Variants in GPC6 observed in about 807,000 individuals in gnomAD.
The protein encoded by GPC6 is glypican-6.
A neutral mutation model predicts 55.2 loss-of-function variants in GPC6; 14 were observed. The ratio of observed to expected loss-of-function variants is 0.25; its 90% CI spans 0.17 to 0.40. The LOEUF (loss-of-function observed/expected upper bound fraction) is 0.40. Ranked by LOEUF, GPC6 falls within the 10% of genes least tolerant of loss-of-function variation. GPC6 has a pLI of 1.00. For missense variants in GPC6, 641 were observed against 708.5 expected (o/e 0.90, Z 1.08); for synonymous variants, 278 against 259.6 (o/e 1.07, Z -0.68).
At position 93,510,541 on chromosome 13, in the gene GPC6, C is replaced by G. The variant is rs548502358; in HGVS notation, c.161-34722C>G. On this transcript the variant is annotated intron_variant, in intron 1 of 8. Transcript: ENST00000377047. ...AAGAGTATTCCATTGTGTATATATA[C>G]CACATTTTCTTCATTCATCTGTTAA... Among the ~76,000 whole-genome samples, 3 of 152,034 alleles carry G rather than the reference C, an allele frequency of 2.0e-5. No individual in the cohort carries two copies. The South Asian group carries it at 6.2e-4, about 32-fold the overall frequency.
At chr13:94,072,598 C>T (rs559823572) in intron 4 of GPC6, among the ~76,000 whole-genome samples, 11 of 152,296 alleles carry the variant, frequency 7.2e-5, no homozygotes, top group East Asian at 1.9e-4. Context: ...GTGATCTGCC[C>T]GCCTCGGCCT....
intron 7 of GPC6, among the ~76,000 whole-genome samples, chr13:94,392,189 A>G (rs1880676398): frequency 6.6e-6 from 1 of 152,104 alleles, no homozygotes; most frequent in South Asian, 2.1e-4. Context: ...TTATTCATGT[A>G]TATAATAATG....
At chr13:94,037,220 C>G (rs1269639043) in intron 4 of GPC6, among the ~76,000 whole-genome samples, 2 of 151,896 alleles carry the variant, frequency 1.3e-5, no homozygotes, top group African/African-American at 4.8e-5. Flanking sequence ...CATTCATTAG[C>G]CAGCCTTGCA....
At chr13:93,346,179 G>T (rs12584352) in intron 1 of GPC6, among the ~76,000 whole-genome samples, 2,393 of 152,198 alleles carry the variant, frequency 0.016, 52 homozygotes, top group African/African-American at 0.052. Flanking sequence ...GTTTTAAAGA[G>T]AAGGTGAAGG....
At chr13:94,369,757 T>C (rs938100172) in intron 6 of GPC6, among the ~76,000 whole-genome samples, 1 of 152,006 alleles carries the variant, frequency 6.6e-6, no homozygotes, top group Non-Finnish European at 1.5e-5. Context: ...TCTCTCTTGC[T>C]CTGGGGGTAA....
At chr13:93,423,176 A>C (rs1876988732) in intron 1 of GPC6, among the ~76,000 whole-genome samples, 1 of 152,202 alleles carries the variant, frequency 6.6e-6, no homozygotes, top group Admixed American at 6.5e-5. Context: ...TAAATTAAAC[A>C]ATGCTTGCCT....
chr13:93,276,659 C>T (rs1323122163), intron 1 of GPC6, among the ~76,000 whole-genome samples: 1 of 151,912 alleles, frequency 6.6e-6, no homozygotes, highest in Non-Finnish European at 1.5e-5. Flanking sequence ...TAAGGCAGCT[C>T]TTGGGACTCG....
chr13:94,006,302 T>C (rs550951972), intron 3 of GPC6, among the ~76,000 whole-genome samples: 137 of 152,178 alleles, frequency 9.0e-4, no homozygotes, highest in Non-Finnish European at 1.1e-3. Flanking sequence ...CAGATTCAGT[T>C]TGTCGATATT....
At chr13:94,025,582 A>G (rs1882866511) in intron 3 of GPC6, 1 of 152,098 alleles carries the variant, frequency 6.6e-6, no homozygotes, top group East Asian at 1.9e-4. Flanking sequence ...TGCATTCAGC[A>G]TGGTATGGCC....
chr13:94,149,722 C>T (rs1887673156), intron 4 of GPC6, among the ~76,000 whole-genome samples: 1 of 152,066 alleles, frequency 6.6e-6, no homozygotes, highest in Non-Finnish European at 1.5e-5. Context: ...AGGTCTTAGC[C>T]TCCTTGACCC....
At chr13:93,855,033 A>C (rs979797010) in intron 3 of GPC6, among the ~76,000 whole-genome samples, 1 of 151,604 alleles carries the variant, frequency 6.6e-6, no homozygotes, top group East Asian at 2.0e-4. Context: ...TTGACACATC[A>C]TTATCAAAAA....
intron 2 of GPC6, among the ~76,000 whole-genome samples, chr13:93,677,401 A>G (rs1013559601): frequency 6.6e-6 from 1 of 152,170 alleles, no homozygotes; most frequent in Non-Finnish European, 1.5e-5. Context: ...TTACAAAGGC[A>G]AAACAGTGAT....
At chr13:94,048,356 C>G (rs1230708328) in intron 4 of GPC6, among the ~76,000 whole-genome samples, 2 of 151,652 alleles carry the variant, frequency 1.3e-5, no homozygotes, top group African/African-American at 4.8e-5. Flanking sequence ...ATTGATTTTC[C>G]CATACTACTA....
intron 4 of GPC6, among the ~76,000 whole-genome samples, chr13:94,161,713 A>G (rs1158834508): frequency 6.6e-6 from 1 of 152,190 alleles, no homozygotes; most frequent in Non-Finnish European, 1.5e-5. Context: ...GGTGTCAGCT[A>G]GAATATTCTG....
chr13:94,019,365 A>AG (rs1882611993), intron 3 of GPC6, among the ~76,000 whole-genome samples: 1 of 152,276 alleles, frequency 6.6e-6, no homozygotes, highest in South Asian at 2.1e-4. Context: ...CCACAAACTG[A>AG]GTGGCTGAAA....
At chr13:94,279,387 A>T (rs1264250429) in intron 4 of GPC6, among the ~76,000 whole-genome samples, 2 of 151,568 alleles carry the variant, frequency 1.3e-5, no homozygotes, top group African/African-American at 4.8e-5. Flanking sequence ...AAAAAAAAAA[A>T]AAACAGCTCC....
Position 93,890,715 on chromosome 13 carries a change from A to AT in GPC6, c.711+60170_711+60171insT, listed in dbSNP as rs757639517. 1.4e-3 allele frequency among the ~76,000 whole-genome samples: 180 copies of AT among 126,416 alleles called. 1 individual carries two copies. The highest frequency in any genetic ancestry group is 5.3e-3 in the African/African-American group (142 of 27,010). 82.9% of individuals were successfully genotyped at this position (126,416 alleles called of 152,430 possible). A position where few individuals can be genotyped will look rare whatever the true frequency, so the allele number is the denominator to read the frequency against. ...TAGTTTTCTGTTATAAATTTTACTT[A>AT]ATTTTTTTTTTTTTTTTTGCTTAGA... On this transcript the variant is annotated intron_variant, in intron 3 of 8. Transcript: ENST00000377047.
At chr13:94,371,556 G>A (rs975600766) in intron 6 of GPC6, among the ~76,000 whole-genome samples, 3 of 152,146 alleles carry the variant, frequency 2.0e-5, no homozygotes, top group Admixed American at 6.5e-5. Context: ...CACCGTCAGA[G>A]TTGTGAAGAT....
intron 4 of GPC6, among the ~76,000 whole-genome samples, chr13:94,183,355 G>T (rs1046743836): frequency 6.6e-6 from 1 of 152,020 alleles, no homozygotes; most frequent in African/African-American, 2.4e-5. Flanking sequence ...ATGTTCTCAA[G>T]GTCTATCCAT....
Sources: gnomAD v4.1 joint callset for allele counts (sites outside exome capture counted in the v4.1 genomes callset) on GRCh38, gnomAD v4.1.1 for gene constraint, MANE v1.5 for transcripts, NCBI Gene and HGNC (gene_info 2026-07-23, HGNC 2026-07-21) for gene names.